The following CCDC60 variants were observed in gnomAD, a reference collection of about 807,000 sequenced individuals.
CCDC60 encodes the protein coiled-coil domain-containing protein 60.
A neutral mutation model predicts 63.5 loss-of-function variants in CCDC60; 54 were observed. That is an observed-to-expected ratio of 0.85 (90% CI 0.68 to 1.07). CCDC60 has a LOEUF of 1.07. Ranked by LOEUF, CCDC60 falls within the 50% of genes least tolerant of loss-of-function variation. CCDC60 has a pLI of 0.00. For synonymous variants in CCDC60, 206 were observed against 238.8 expected, an observed-to-expected ratio of 0.86 and a Z score of 1.27; for missense variants, 651 against 684.3, an observed-to-expected ratio of 0.95 and a Z score of 0.54.
chr12:119,518,254 G>C (rs767585306), intron 8 of CCDC60, among the ~76,000 whole-genome samples: 2 of 152,134 alleles, frequency 1.3e-5, no homozygotes, highest in Non-Finnish European at 2.9e-5. Flanking sequence ...GCTCAATGAG[G>C]CTCCTTCCTT....
intron 1 of CCDC60, among the ~76,000 whole-genome samples, chr12:119,415,849 C>T (rs1044842756): frequency 6.6e-6 from 1 of 152,172 alleles, no homozygotes; most frequent in Non-Finnish European, 1.5e-5. Flanking sequence ...CAGTAATAAG[C>T]ACATGGGTGT....
chr12:119,429,763 G>A (rs570158360), intron 2 of CCDC60: 1 of 152,260 alleles, frequency 6.6e-6, no homozygotes, highest in Non-Finnish European at 1.5e-5. Context: ...GCCTAGGGGA[G>A]AGGTGAAGAG....
Position 119,432,051 on chromosome 12 carries a change from C to T in CCDC60, c.170+3289C>T, listed in dbSNP as rs1022111324. Among the ~76,000 whole-genome samples, 14 of 152,306 alleles carry T rather than the reference C, an allele frequency of 9.2e-5. No individual in the cohort carries two copies. The East Asian group carries it at 2.7e-3, about 29-fold the overall frequency. On this transcript the variant is annotated intron_variant, in intron 2 of 13. Transcript: ENST00000327554. ...TACGCCCAGGAATGAACAATGACAG[C>T]TTGGAGGTTAGAAGCAAGATGGAGT...
At chr12:119,523,122 T>G in intron 10 of CCDC60, 121 bp downstream of exon 10, 1 of 905,926 alleles carries the variant, frequency 1.1e-6, no homozygotes, top group South Asian at 1.4e-5. Flanking sequence ...CCGTAGATGA[T>G]GCTGAAGGAC....
chr12:119,348,757 G>A (rs1457124266), intron 1 of CCDC60, among the ~76,000 whole-genome samples: 2 of 152,138 alleles, frequency 1.3e-5, no homozygotes, highest in African/African-American at 2.4e-5. Context: ...AGGCTCTTTT[G>A]TCCAGAAAAA....
At position 119,540,774 on chromosome 12, in the gene CCDC60, T is replaced by C; in HGVS notation, c.*59T>C. The C allele has an allele frequency of 2.5e-6, 3 of 1,221,682 alleles. No homozygotes were observed. In the East Asian group the frequency reaches 7.0e-5, roughly 29 times the overall value. The allele number at this position is 1,221,682 out of a possible 1,614,324, so 75.7% of individuals were successfully genotyped here. ...GGAGTGTTTGCCTATATCATGTTCCTGTATCCTGCCTGTGTTCCTGCCTCC... is the reference window on the plus strand; with the variant it reads ...GGAGTGTTTGCCTATATCATGTTCCCGTATCCTGCCTGTGTTCCTGCCTCC... On this transcript the variant is annotated 3_prime_UTR_variant, in exon 14 of 14. Transcript: ENST00000327554.
chr12:119,409,388 C>A (rs779399999), intron 1 of CCDC60, among the ~76,000 whole-genome samples: 1 of 152,088 alleles, frequency 6.6e-6, no homozygotes, highest in Non-Finnish European at 1.5e-5. Flanking sequence ...TGCACCACCC[C>A]CCAACCCCCA....
intron 13 of CCDC60, among the ~76,000 whole-genome samples, chr12:119,535,066 G>T (rs1168859540): frequency 6.6e-6 from 1 of 151,990 alleles, no homozygotes; most frequent in African/African-American, 2.4e-5. Context: ...TTTCTTGGTA[G>T]GCTATTAATT....
At chr12:119,389,288 A>G (rs906249749) in intron 1 of CCDC60, among the ~76,000 whole-genome samples, 10 of 152,232 alleles carry the variant, frequency 6.6e-5, no homozygotes, top group African/African-American at 2.4e-4. Flanking sequence ...AATCTGGCTG[A>G]CCACTTGTTT....
intron 11 of CCDC60, among the ~76,000 whole-genome samples, chr12:119,526,943 T>C (rs2048561889): frequency 6.6e-6 from 1 of 152,212 alleles, no homozygotes; most frequent in African/African-American, 2.4e-5. Flanking sequence ...TAAATCATCC[T>C]ACCATAAAGA....
intron 1 of CCDC60, among the ~76,000 whole-genome samples, chr12:119,370,052 G>A (rs1251356419): frequency 6.6e-6 from 1 of 152,172 alleles, no homozygotes; most frequent in African/African-American, 2.4e-5. Flanking sequence ...AAGAGACCAG[G>A]CCAGACCAGC....
chr12:119,463,712 A>G (rs1052668615), intron 2 of CCDC60, among the ~76,000 whole-genome samples: 16 of 152,260 alleles, frequency 1.1e-4, no homozygotes, highest in Admixed American at 7.8e-4. Flanking sequence ...TCAAGTGTAC[A>G]CTGGAAACAC....
At chr12:119,344,841 TCTCTCTCTCTCTCTCACACACACA>T (rs1414606567) in intron 1 of CCDC60, among the ~76,000 whole-genome samples, 319 of 106,450 alleles carry the variant, frequency 3.0e-3, no homozygotes, top group African/African-American at 0.011. Context: ...TCTCTTTCTC[TCTCTCTCTCTCTCTCACACACACA>T]CACACACACA....
chr12:119,396,030 C>T (rs1177765978), intron 1 of CCDC60, among the ~76,000 whole-genome samples: 3 of 152,074 alleles, frequency 2.0e-5, no homozygotes, highest in Admixed American at 6.6e-5. Context: ...CTCTGCCTCC[C>T]GGGTTCAAGC....
chr12:119,535,883 T>C (rs958441368), intron 13 of CCDC60, among the ~76,000 whole-genome samples: 13 of 152,182 alleles, frequency 8.5e-5, no homozygotes, highest in African/African-American at 3.1e-4. Context: ...AAGAAGAATG[T>C]CTATTCTGTT....
intron 1 of CCDC60, among the ~76,000 whole-genome samples, chr12:119,355,716 T>G (rs1260190556): frequency 2.0e-5 from 3 of 152,224 alleles, no homozygotes; most frequent in Non-Finnish European, 4.4e-5. Flanking sequence ...GTGCCACGAG[T>G]AGCAGCTCAG....
intron 1 of CCDC60, among the ~76,000 whole-genome samples, chr12:119,337,200 T>G (rs2136138146): frequency 6.6e-6 from 1 of 152,308 alleles, no homozygotes; most frequent in Non-Finnish European, 1.5e-5. Flanking sequence ...TCCATCTCCT[T>G]TCATCTCAAA....
In CCDC60 at chr12:119,530,954, A is replaced by C; in HGVS notation, c.1442A>C (p.Lys481Thr). The change falls in exon 13 of 14, where the codon AAG (lysine) becomes ACG (threonine). Residue 481 changes from lysine to threonine, a missense_variant. By Grantham distance (78) the Lys-to-Thr change is moderately conservative. Transcript: ENST00000327554. Reference protein sequence around the residue: ...PAKKILVKLQKFGENLDLRIR... With the variant: ...PAKKILVKLQTFGENLDLRIR... ...AAAAAGATCCTGGTGAAACTGCAGA[A>C]GTTTGGAGAAAACCTGGACTTGCGG... is the stretch of plus-strand genomic sequence containing the variant. 1 of 1,614,226 alleles carries C rather than the reference A, an allele frequency of 6.2e-7. No homozygotes were observed.
intron 1 of CCDC60, among the ~76,000 whole-genome samples, chr12:119,414,008 ACTGT>A (rs1379726308): frequency 6.6e-6 from 1 of 150,646 alleles, no homozygotes; most frequent in Non-Finnish European, 1.5e-5. Context: ...CTAACCCTGC[ACTGT>A]CTATCACTCT....
Sources: gnomAD v4.1 joint callset for allele counts (sites outside exome capture counted in the v4.1 genomes callset) on GRCh38, gnomAD v4.1.1 for gene constraint, MANE v1.5 for transcripts, NCBI Gene and HGNC (gene_info 2026-07-23, HGNC 2026-07-21) for gene names.